ZNF808: variants seen among roughly 807,000 people sequenced by gnomAD.
ZNF808 encodes zinc finger protein 808.
Under a neutral mutation model 8.7 loss-of-function variants are expected in ZNF808, and 5 were observed. The observed-to-expected ratio is 0.58, with a 90% CI of 0.30 to 1.21. ZNF808 has a LOEUF of 1.21. ZNF808 is among the 50% of genes most tolerant of loss of function. The pLI, the probability that ZNF808 is intolerant of heterozygous loss-of-function variation, is 0.07. For synonymous variants in ZNF808, 380 were observed against 366.0 expected, an observed-to-expected ratio of 1.04 and a Z score of -0.44; for missense variants, 1,103 against 1,098.4, an observed-to-expected ratio of 1.00 and a Z score of -0.06.
chr19:52,537,877 A>AG (rs1266370876), intron 2 of ZNF808, among the ~76,000 whole-genome samples: 1 of 152,144 alleles, frequency 6.6e-6, no homozygotes, highest in African/African-American at 2.4e-5. Context: ...TTGGTATCAG[A>AG]GGTTAGCTTC....
intron 1 of ZNF808, among the ~76,000 whole-genome samples, chr19:52,531,853 C>T (rs1329965735): frequency 1.3e-5 from 2 of 152,090 alleles, no homozygotes; most frequent in Non-Finnish European, 2.9e-5. Context: ...TGTAATTGCA[C>T]CCTCTGACAC....
In ZNF808 at chr19:52,554,672, C is replaced by A. The variant is rs75830912; in HGVS notation, c.1756C>A (p.Arg586Ser). Residue 586 changes from arginine (R) to serine (S), a missense_variant, in exon 5 of 5, where the codon CGT becomes AGT. By Grantham distance (110) the Arg-to-Ser change is moderately radical. Transcript: ENST00000359798. ...TCAACAATCACATCTTTCACGTCAT[C>A]GTAGACTTCATACTGGAGAGAAACC... ...FNQQSHLSRH[R>S]RLHTGEKPYK... The A allele has an allele frequency of 0.016, 25,055 of 1,613,914 alleles. 2,640 individuals are homozygous for A. In the East Asian group the frequency reaches 0.25, roughly 16 times the overall value.
chr19:52,553,561 T>A lies in ZNF808; in HGVS notation c.645T>A (p.Ser215=). 1 of 1,614,188 alleles carries A rather than the reference T, an allele frequency of 6.2e-7. No individual in the cohort carries two copies. The highest frequency in any genetic ancestry group is 8.5e-7 in the Non-Finnish European group (1 of 1,180,038). ...SNNYGNNPLN[S]SLLPQKQEVH... is the part of the protein sequence containing the mutation. ...ACTATGGGAATAATCCCCTGAATTC[T>A]TCATTACTCCCACAAAAACAGGAAG... Residue 215 remains serine, a synonymous_variant, in exon 5 of 5, where the codon TCT becomes TCA. Coordinates refer to ENST00000359798, the MANE Select transcript of ZNF808 (RefSeq NM_001039886.4).
At chr19:52,561,794 G>A (rs996159102) in intron 3 of ZNF808, among the ~76,000 whole-genome samples, 2 of 152,058 alleles carry the variant, frequency 1.3e-5, no homozygotes, top group South Asian at 4.1e-4. Context: ...AGATCCACCC[G>A]CCTCGGTCTC....
At chr19:52,530,679 A>G (rs1466778758) in intron 1 of ZNF808, among the ~76,000 whole-genome samples, 1 of 148,454 alleles carries the variant, frequency 6.7e-6, no homozygotes, top group Non-Finnish European at 1.5e-5. Context: ...AAAAAGAGAG[A>G]AAGAAAAAGT....
At chr19:52,547,294 C>T (rs1464430565) in intron 3 of ZNF808, among the ~76,000 whole-genome samples, 1 of 151,918 alleles carries the variant, frequency 6.6e-6, no homozygotes, top group African/African-American at 2.4e-5. Flanking sequence ...TCCATAAAAT[C>T]GAGACTTCCA....
chr19:52,543,670 C>T (rs2059694142), intron 3 of ZNF808, among the ~76,000 whole-genome samples: 1 of 152,124 alleles, frequency 6.6e-6, no homozygotes, highest in African/African-American at 2.4e-5. Flanking sequence ...CTGGATTGTT[C>T]AGGGGCCACA....
chr19:52,551,864 G>A (rs1460603954), intron 4 of ZNF808, among the ~76,000 whole-genome samples: 3 of 152,028 alleles, frequency 2.0e-5, no homozygotes, highest in Non-Finnish European at 2.9e-5. Flanking sequence ...TTAGCCAGGT[G>A]TAGTGGTGTG....
chr19:52,537,140 C>T (rs1217972836), intron 2 of ZNF808, among the ~76,000 whole-genome samples: 4 of 151,784 alleles, frequency 2.6e-5, no homozygotes, highest in South Asian at 4.2e-4. Context: ...GAGCCGAGAT[C>T]GCACCATTGC....
At chr19:52,533,531 A>T (rs2059578334) in intron 2 of ZNF808, among the ~76,000 whole-genome samples, 1 of 147,794 alleles carries the variant, frequency 6.8e-6, no homozygotes, top group African/African-American at 2.5e-5. Context: ...CGGCCCAGGG[A>T]TGTATTTCTG....
intron 3 of ZNF808, among the ~76,000 whole-genome samples, chr19:52,562,241 G>A (rs1321450292): frequency 1.3e-5 from 2 of 152,116 alleles, no homozygotes; most frequent in African/African-American, 4.8e-5. Context: ...ACCTGGGTGT[G>A]GTGTAACATG....
chr19:52,552,703 G>GTTTTTTTTTTTTTTTTTT (rs33948596), intron 4 of ZNF808, among the ~76,000 whole-genome samples: 1 of 141,114 alleles, frequency 7.1e-6, no homozygotes, highest in Non-Finnish European at 1.5e-5. Flanking sequence ...ATGTTGTGTG[G>GTTTTTTTTTTTTTTTTTT]TTTTTTTTTT....
At chr19:52,537,186 CAA>C (rs34203524) in intron 2 of ZNF808, among the ~76,000 whole-genome samples, 1 of 149,730 alleles carries the variant, frequency 6.7e-6, no homozygotes, top group South Asian at 2.1e-4. Flanking sequence ...AACTCTTTCT[CAA>C]AAAAAAAGCG....
At chr19:52,559,984 A>G (rs146854112), downstream of ZNF808, among the ~76,000 whole-genome samples, 10 of 152,302 alleles carry the variant, frequency 6.6e-5, no homozygotes, top group African/African-American at 2.4e-4. Flanking sequence ...TATATTTTTT[A>G]TAGTTGTTAT....
At chr19:52,530,223 G>C (rs1340341961) in intron 1 of ZNF808, among the ~76,000 whole-genome samples, 1 of 152,006 alleles carries the variant, frequency 6.6e-6, no homozygotes, top group Admixed American at 6.5e-5. Flanking sequence ...ACCATGCCTG[G>C]CTAATTTTGT....
downstream of ZNF808, among the ~76,000 whole-genome samples, chr19:52,560,080 A>G (rs2059851508): frequency 6.6e-6 from 1 of 152,192 alleles, no homozygotes; most frequent in African/African-American, 2.4e-5. Context: ...TCACGCCTGT[A>G]ATCCCAGCAC....
At chr19:52,529,915 T>A (rs867470597) in intron 1 of ZNF808, among the ~76,000 whole-genome samples, 4,512 of 92,958 alleles carry the variant, frequency 0.049, 106 homozygotes, top group South Asian at 0.083. Context: ...ATATATATTT[T>A]TTTTTTTTGT....
chr19:52,531,293 G>C (rs1479815603), intron 1 of ZNF808, among the ~76,000 whole-genome samples: 1 of 152,004 alleles, frequency 6.6e-6, no homozygotes, highest in African/African-American at 2.4e-5. Flanking sequence ...GACCAATATA[G>C]AGAAACCCGG....
intron 2 of ZNF808, among the ~76,000 whole-genome samples, chr19:52,536,788 G>A (rs962006629): frequency 3.9e-5 from 6 of 152,166 alleles, no homozygotes; most frequent in African/African-American, 1.4e-4. Context: ...GGGCGTAACA[G>A]GGAAGAGAGA....
Sources: gnomAD v4.1 joint callset for allele counts (sites outside exome capture counted in the v4.1 genomes callset) on GRCh38, gnomAD v4.1.1 for gene constraint, MANE v1.5 for transcripts, NCBI Gene and HGNC (gene_info 2026-07-23, HGNC 2026-07-21) for gene names.